Variants in LRP1B observed in about 807,000 individuals in gnomAD.
LRP1B encodes the protein LDL receptor related protein 1B, also known as low-density lipoprotein receptor-related protein 1B.
In LRP1B, 217 loss-of-function variants were observed where a neutral mutation model predicts 556.6. The ratio of observed to expected loss-of-function variants is 0.39; its 90% CI spans 0.35 to 0.44. The LOEUF (loss-of-function observed/expected upper bound fraction) is 0.44, where lower values mean the gene tolerates loss of function less well. Among genes scored for constraint, LRP1B ranks in the 20% least tolerant of loss-of-function variants. The pLI, the probability that LRP1B is intolerant of heterozygous loss-of-function variation, is 1.00. For missense variants in LRP1B, 5,053 were observed against 5,620.8 expected (o/e 0.90, Z 3.23); for synonymous variants, 2,047 against 1,865.8 (o/e 1.10, Z -2.50).
intron 7 of LRP1B, among the ~76,000 whole-genome samples, chr2:141,133,301 TTTTC>T (rs1701407290): frequency 6.8e-6 from 1 of 147,200 alleles, no homozygotes; most frequent in Non-Finnish European, 1.5e-5. Flanking sequence ...TTTTTTTTTT[TTTTC>T]CACAATACTG....
intron 41 of LRP1B, among the ~76,000 whole-genome samples, chr2:140,628,970 C>T (rs967090754): frequency 3.3e-5 from 5 of 152,062 alleles, no homozygotes; most frequent in Non-Finnish European, 7.4e-5. Flanking sequence ...TGAGGCCTCC[C>T]TAGCCATGCT....
chr2:141,601,762 A>C (rs1687753173), intron 2 of LRP1B, among the ~76,000 whole-genome samples: 2 of 151,360 alleles, frequency 1.3e-5, no homozygotes, highest in Non-Finnish European at 2.9e-5. Context: ...TTGTGCCTCA[A>C]CCTCTAACTT....
intron 3 of LRP1B, among the ~76,000 whole-genome samples, chr2:141,451,311 C>G (rs1681413644): frequency 6.6e-6 from 1 of 152,126 alleles, no homozygotes; most frequent in African/African-American, 2.4e-5. Context: ...AGTGTGTACT[C>G]TTAGTGAACT....
intron 3 of LRP1B, among the ~76,000 whole-genome samples, chr2:141,386,967 T>C (rs1157198551): frequency 6.6e-6 from 1 of 151,936 alleles, no homozygotes; most frequent in Admixed American, 6.5e-5. Context: ...AAAGCAAATT[T>C]TCATAAATTC....
chr2:140,579,110 C>T (rs1490409700), intron 43 of LRP1B, among the ~76,000 whole-genome samples: 1 of 152,110 alleles, frequency 6.6e-6, no homozygotes, highest in Admixed American at 6.5e-5. Flanking sequence ...AAATCTTAAA[C>T]TCCTTGAACT....
At chr2:140,617,537 C>A (rs907366920) in intron 41 of LRP1B, among the ~76,000 whole-genome samples, 1 of 151,812 alleles carries the variant, frequency 6.6e-6, no homozygotes, top group Non-Finnish European at 1.5e-5. Flanking sequence ...TCTTTCTGAT[C>A]TTTTGTCTTT....
chr2:142,038,319 A>G (rs1251675083), intron 1 of LRP1B, among the ~76,000 whole-genome samples: 1 of 151,580 alleles, frequency 6.6e-6, no homozygotes, highest in African/African-American at 2.4e-5. Context: ...AATTTTAAAT[A>G]ATTCTGTATG....
At chr2:140,935,398 A>G (rs1172182720) in intron 20 of LRP1B, among the ~76,000 whole-genome samples, 1 of 152,140 alleles carries the variant, frequency 6.6e-6, no homozygotes, top group African/African-American at 2.4e-5. Context: ...ACTAAAATGA[A>G]AAATTCACTA....
intron 35 of LRP1B, among the ~76,000 whole-genome samples, chr2:140,756,934 G>T (rs772182966): frequency 2.6e-5 from 4 of 152,078 alleles, no homozygotes; most frequent in Non-Finnish European, 5.9e-5. Flanking sequence ...GTTTTATCTA[G>T]AATGTATTCA....
intron 17 of LRP1B, among the ~76,000 whole-genome samples, chr2:140,984,926 CT>C (rs769696778): frequency 6.6e-4 from 101 of 152,214 alleles, no homozygotes; most frequent in African/African-American, 2.4e-3. Flanking sequence ...TAAATTATCA[CT>C]TTCTAATCAA....
chr2:140,334,215 G>A (rs1680959922), intron 79 of LRP1B, among the ~76,000 whole-genome samples: 2 of 151,880 alleles, frequency 1.3e-5, no homozygotes, highest in Admixed American at 6.6e-5. Flanking sequence ...CCGACTAATA[G>A]CCTTACAACT....
chr2:140,443,326 G>A (rs1024721866), intron 65 of LRP1B, among the ~76,000 whole-genome samples: 7 of 152,122 alleles, frequency 4.6e-5, no homozygotes, highest in African/African-American at 1.7e-4. Context: ...CTCCTAAAGT[G>A]CTGGGATTAC....
chr2:141,733,886 T>C (rs1693369255), intron 2 of LRP1B, among the ~76,000 whole-genome samples: 1 of 152,172 alleles, frequency 6.6e-6, no homozygotes, highest in Admixed American at 6.6e-5. Flanking sequence ...ACTTCTGTGA[T>C]GTATGTACAT....
intron 87 of LRP1B, among the ~76,000 whole-genome samples, chr2:140,240,584 G>A (rs1204607477): frequency 6.6e-6 from 1 of 150,818 alleles, no homozygotes; most frequent in Non-Finnish European, 1.5e-5. Flanking sequence ...AGGAAAGTAT[G>A]ACATAGCTAA....
intron 18 of LRP1B, among the ~76,000 whole-genome samples, chr2:140,968,869 C>A (rs911687047): frequency 6.6e-5 from 10 of 152,070 alleles, no homozygotes; most frequent in African/African-American, 2.4e-4. Context: ...CTGAGTTCTA[C>A]TTTGATTGCA....
intron 6 of LRP1B, among the ~76,000 whole-genome samples, chr2:141,195,822 T>A (rs1471165169): frequency 6.6e-6 from 1 of 152,000 alleles, no homozygotes; most frequent in Non-Finnish European, 1.5e-5. Flanking sequence ...AAGGGCAGCA[T>A]CAGATAGGAC....
At chr2:140,384,212 A>G (rs1358742237) in intron 67 of LRP1B, among the ~76,000 whole-genome samples, 1 of 152,148 alleles carries the variant, frequency 6.6e-6, no homozygotes, top group Non-Finnish European at 1.5e-5. Flanking sequence ...CTTCCGTTAT[A>G]AGGCATTTGC....
At chr2:141,582,236 G>T (rs1023143197) in intron 2 of LRP1B, among the ~76,000 whole-genome samples, 3 of 152,174 alleles carry the variant, frequency 2.0e-5, no homozygotes, top group Non-Finnish European at 4.4e-5. Flanking sequence ...ACGCCTCAGT[G>T]TACTGACCAA....
chr2:140,984,686 A>T (rs1696866246), intron 17 of LRP1B, among the ~76,000 whole-genome samples: 1 of 152,018 alleles, frequency 6.6e-6, no homozygotes, highest in South Asian at 2.1e-4. Context: ...TACCTCATTA[A>T]CTCTGAAGCT....
Sources: gnomAD v4.1 joint callset for allele counts (sites outside exome capture counted in the v4.1 genomes callset) on GRCh38, gnomAD v4.1.1 for gene constraint, MANE v1.5 for transcripts, NCBI Gene and HGNC (gene_info 2026-07-23, HGNC 2026-07-21) for gene names.